ABHD6: variants seen among roughly 807,000 people sequenced by gnomAD.
The protein encoded by ABHD6 is abhydrolase domain containing 6, acylglycerol lipase.
A neutral mutation model predicts 38.8 loss-of-function variants in ABHD6; 33 were observed. That is an observed-to-expected ratio of 0.85 (90% CI 0.64 to 1.14). The LOEUF is 1.14. Ranked by LOEUF, ABHD6 falls within the 50% of genes most tolerant of loss-of-function variation. The pLI, the probability that ABHD6 is intolerant of heterozygous loss-of-function variation, is 0.00. For synonymous variants in ABHD6, 147 were observed against 161.6 expected (o/e 0.91, Z 0.69); for missense variants, 380 against 422.6 (o/e 0.90, Z 0.88).
At chr3:58,243,474 C>T (rs2097424225) in intron 1 of ABHD6, among the ~76,000 whole-genome samples, 1 of 152,078 alleles carries the variant, frequency 6.6e-6, no homozygotes, top group Non-Finnish European at 1.5e-5. Flanking sequence ...GAGATAACTT[C>T]TAGCTCCACC....
At chr3:58,250,918 A>G (rs950157668) in intron 2 of ABHD6, among the ~76,000 whole-genome samples, 5 of 152,210 alleles carry the variant, frequency 3.3e-5, no homozygotes, top group African/African-American at 1.2e-4. Context: ...AGTTGACTCC[A>G]GTGCTGGTGC....
chr3:58,269,483 T>G lies in ABHD6; in HGVS notation c.390+49T>G. 7.1e-7 allele frequency: 1 copy of G among 1,415,626 alleles called. No individual in the cohort carries two copies. The highest frequency in any genetic ancestry group is 1.2e-5 in the South Asian group (1 of 85,080). The allele number at this position is 1,415,626 out of a possible 1,614,324, so 87.7% of individuals were successfully genotyped here. A position where few individuals can be genotyped will look rare whatever the true frequency, so the allele number is the denominator to read the frequency against. On this transcript the variant is annotated intron_variant, in intron 5 of 9. Transcript: ENST00000478253. This position sits in a 1 kb window ranked among gnomAD's most constrained non-coding sequence, Gnocchi z 4.4. Reference sequence around the variant, plus strand: ...ATTGCCCAGACTGTCTCAGCCACCATTACATGTCTGAGTCTGGAGAGCAGG... The same window carrying G: ...ATTGCCCAGACTGTCTCAGCCACCAGTACATGTCTGAGTCTGGAGAGCAGG...
intron 9 of ABHD6, among the ~76,000 whole-genome samples, chr3:58,286,595 G>A (rs757876374): frequency 6.6e-6 from 1 of 151,788 alleles, no homozygotes; most frequent in Non-Finnish European, 1.5e-5. Context: ...GCAGCCATAG[G>A]CAATATGTAA....
chr3:58,280,664 A>G (rs2097452424), intron 7 of ABHD6, among the ~76,000 whole-genome samples: 1 of 152,100 alleles, frequency 6.6e-6, no homozygotes, highest in Admixed American at 6.6e-5. Context: ...TTTGGAGGAG[A>G]AGAGGCGCTC....
chr3:58,276,878 T>C (rs1463960213), intron 7 of ABHD6, among the ~76,000 whole-genome samples: 26 of 152,198 alleles, frequency 1.7e-4, no homozygotes, highest in Non-Finnish European at 3.2e-4. Context: ...GGGAATCCTT[T>C]CCCATTTCTT....
In ABHD6 at chr3:58,251,379, G is replaced by A. The variant is rs957234566; in HGVS notation, c.-26+1437G>A. Among the ~76,000 whole-genome samples the A allele has an allele frequency of 6.6e-6, 1 of 151,988 alleles. No homozygotes were observed. The highest frequency in any genetic ancestry group is 2.4e-5 in the African/African-American group (1 of 41,372). On this transcript the variant is annotated intron_variant, in intron 2 of 9. Coordinates refer to ENST00000478253, the MANE Select transcript of ABHD6 (RefSeq NM_001320126.2). The surrounding 1 kb of genome is among the most constrained non-coding windows in gnomAD (Gnocchi z 5.4). The stretch of plus-strand genomic sequence containing the variant: ...AGTCAGGCGAAGCGAGGAGAGATGT[G>A]TCTATGAGATTCTATGAAAGTGTTT...
chr3:58,244,200 G>A (rs1035461496), intron 1 of ABHD6, among the ~76,000 whole-genome samples: 3 of 152,180 alleles, frequency 2.0e-5, no homozygotes, highest in Admixed American at 6.5e-5. Context: ...ATCAAAGCCA[G>A]TGATGTTAAG....
chr3:58,271,333 TAA>T (rs3038089), intron 6 of ABHD6, among the ~76,000 whole-genome samples: 34,334 of 149,072 alleles, frequency 0.23, 5,639 homozygotes, highest in East Asian at 0.79. Flanking sequence ...ATTTAAAATT[TAA>T]AAAAAAAAAA....
chr3:58,278,106 G>A (rs2097450053), intron 7 of ABHD6, among the ~76,000 whole-genome samples: 1 of 152,174 alleles, frequency 6.6e-6, no homozygotes, highest in Admixed American at 6.5e-5. Flanking sequence ...GCATCAGGAT[G>A]ATGCAGGCCT....
At chr3:58,280,759 C>G (rs13075910) in intron 7 of ABHD6, among the ~76,000 whole-genome samples, 14,215 of 152,198 alleles carry the variant, frequency 0.093, 780 homozygotes, top group African/African-American at 0.13. Flanking sequence ...ATGTTGGTGA[C>G]CTACAGATGG....
intron 9 of ABHD6, among the ~76,000 whole-genome samples, chr3:58,286,850 G>GCATATATATATATATATA (rs1553721726): frequency 4.9e-4 from 36 of 72,842 alleles, no homozygotes; most frequent in South Asian, 3.0e-3. Context: ...GTGTGTGTGT[G>GCATATATATATATATATA]TGTATATATA....
At position 58,292,079 on chromosome 3, in the gene ABHD6, C is replaced by T. The variant is rs78710968; in HGVS notation, c.838-1510C>T. On this transcript the variant is annotated intron_variant, in intron 9 of 9. Coordinates refer to ENST00000478253, the MANE Select transcript of ABHD6 (RefSeq NM_001320126.2). ...GTGTTATTCCTGCTCAGTGGGTTGC[C>T]GTGGCAGCCTTAGCTGTGAGTGAGT... is the stretch of plus-strand genomic sequence containing the variant. Among the ~76,000 whole-genome samples, 17 of 152,274 alleles carry T rather than the reference C, an allele frequency of 1.1e-4. 1 individual carries two copies. The East Asian group carries it at 1.5e-3, about 14-fold the overall frequency.
chr3:58,269,191 T>A lies in ABHD6; in HGVS notation c.277-130T>A, dbSNP rs896402924. 3.8e-5 allele frequency: 24 copies of A among 633,094 alleles called. No individual in the cohort carries two copies. Among genetic ancestry groups the A allele is most frequent in the Non-Finnish European group, 6.7e-5 (23 of 344,320 alleles). 39.2% of individuals were successfully genotyped at this position (633,094 alleles called of 1,614,324 possible). A position where few individuals can be genotyped will look rare whatever the true frequency, so the allele number is the denominator to read the frequency against. ...TTATTCAATTACTGGGGTAAAACAC[T>A]GAGTGGCCAAGACCCATACATCCCC... On this transcript the variant is annotated intron_variant, in intron 4 of 9. Transcript: ENST00000478253. The surrounding 1 kb of genome is among the most constrained non-coding windows in gnomAD (Gnocchi z 4.4).
chr3:58,293,605 G>C lies in ABHD6; in HGVS notation c.854G>C (p.Gly285Ala), dbSNP rs776135639. Reference protein sequence around the residue: ...GKQDQVLDVSGADMLAKSIAN... With the variant: ...GKQDQVLDVSAADMLAKSIAN... ...GCCCAGCAGGTGCTGGATGTGTCTG[G>C]GGCAGACATGTTGGCCAAGTCAATT... The change falls in exon 10 of 10, where the codon GGG (glycine) becomes GCG (alanine). Residue 285 changes from glycine to alanine, a missense_variant. Transcript: ENST00000478253. This position sits in a 1 kb window ranked among gnomAD's most constrained non-coding sequence, Gnocchi z 4.4. 6.2e-7 allele frequency: 1 copy of C among 1,614,084 alleles called. No individual in the cohort carries two copies. The highest frequency in any genetic ancestry group is 8.5e-7 in the Non-Finnish European group (1 of 1,179,990).
intron 9 of ABHD6, among the ~76,000 whole-genome samples, chr3:58,288,039 C>T (rs2097458746): frequency 1.3e-5 from 2 of 152,156 alleles, no homozygotes; most frequent in Non-Finnish European, 2.9e-5. Context: ...CTCAGAAGTC[C>T]GTTTCATTCC....
chr3:58,249,289 A>G (rs988857204), intron 1 of ABHD6, among the ~76,000 whole-genome samples: 4 of 152,134 alleles, frequency 2.6e-5, no homozygotes, highest in Non-Finnish European at 4.4e-5. Flanking sequence ...TAGAACTTAG[A>G]TGGTTTTATT....
intron 1 of ABHD6, among the ~76,000 whole-genome samples, chr3:58,248,166 C>T (rs2097427695): frequency 6.6e-6 from 1 of 152,108 alleles, no homozygotes; most frequent in South Asian, 2.1e-4. Context: ...GAGGTCATTA[C>T]CCATAGGGAC....
chr3:58,258,307 CAA>C, intron 3 of ABHD6: 5 of 388,016 alleles, frequency 1.3e-5, no homozygotes, highest in East Asian at 8.0e-5. Context: ...AACTGCATCT[CAA>C]AAAAAAATAT....
rs1017663199 is a variant in ABHD6 at position 58,285,964 on chromosome 3, A to G, written c.837+511A>G. The stretch of plus-strand genomic sequence containing the variant: ...GCGATTCTCCTGCCTCAGCCTCCCA[A>G]GTAGCTGGGATTACAGGTGCCCTCC... On this transcript the variant is annotated intron_variant, in intron 9 of 9. Coordinates refer to ENST00000478253, the MANE Select transcript of ABHD6 (RefSeq NM_001320126.2). This position sits in a 1 kb window ranked among gnomAD's most constrained non-coding sequence, Gnocchi z 4.9. Among the ~76,000 whole-genome samples, 7 of 151,630 alleles carry G rather than the reference A, an allele frequency of 4.6e-5. No individual in the cohort carries two copies. Among genetic ancestry groups the G allele is most frequent in the South Asian group, 2.1e-4 (1 of 4,796 alleles).
Sources: gnomAD v4.1 joint callset for allele counts (sites outside exome capture counted in the v4.1 genomes callset) on GRCh38, gnomAD v4.1.1 for gene constraint, Gnocchi (gnomAD v3.1) non-coding constraint, MANE v1.5 for transcripts, NCBI Gene and HGNC (gene_info 2026-07-23, HGNC 2026-07-21) for gene names.